LRRC49: variants seen among roughly 807,000 people sequenced by gnomAD.
The protein encoded by LRRC49 is leucine rich repeat containing 49, also known as leucine-rich repeat-containing protein 49.
In LRRC49, 50 loss-of-function variants were observed where a neutral mutation model predicts 83.3. The observed-to-expected ratio is 0.60, with a 90% CI of 0.48 to 0.76. The LOEUF (loss-of-function observed/expected upper bound fraction) is 0.76. Ranked by LOEUF, LRRC49 falls within the 30% of genes least tolerant of loss-of-function variation. The pLI, the probability that LRRC49 is intolerant of heterozygous loss-of-function variation, is 0.00. For synonymous variants in LRRC49, 286 were observed against 283.3 expected (o/e 1.01, Z -0.10); for missense variants, 704 against 809.1 (o/e 0.87, Z 1.58).
At chr15:70,886,707 A>G (rs2033416718) in intron 2 of LRRC49, among the ~76,000 whole-genome samples, 1 of 152,136 alleles carries the variant, frequency 6.6e-6, no homozygotes. Context: ...CACTACTAAA[A>G]ATACAAAAAT....
Position 71,037,196 on chromosome 15 carries a change from A to G in LRRC49, c.1721A>G (p.Tyr574Cys). Residue 574 changes from tyrosine (Y) to cysteine (C), a missense_variant, in exon 15 of 16, where the codon TAT becomes TGT. Around this residue, in one of 3 missense-constraint regions of LRRC49, gnomAD observed 275 missense variants for 338.0 expected, o/e 0.81. Coordinates refer to ENST00000260382, the MANE Select transcript of LRRC49 (RefSeq NM_017691.5). ...LGDARKKQFR[Y>C]LLESKGKKPG... ...TTCTACAGGAAAAAGCAATTTCGGTATCTACTAGAATCCAAAGGAAAAAAA... is the reference window on the plus strand; with the variant it reads ...TTCTACAGGAAAAAGCAATTTCGGTGTCTACTAGAATCCAAAGGAAAAAAA... 6.2e-7 allele frequency: 1 copy of G among 1,606,480 alleles called. No homozygotes were observed. The highest frequency in any genetic ancestry group is 8.5e-7 in the Non-Finnish European group (1 of 1,176,584).
intron 8 of LRRC49, among the ~76,000 whole-genome samples, chr15:70,941,513 A>G (rs1466034206): frequency 6.6e-6 from 1 of 151,110 alleles, no homozygotes; most frequent in Admixed American, 6.6e-5. Flanking sequence ...AAAAAAAAAG[A>G]AAAGAAAAAA....
At chr15:71,008,804 C>T (rs1293928548) in intron 12 of LRRC49, among the ~76,000 whole-genome samples, 188 bp downstream of exon 12, 2 of 151,758 alleles carry the variant, frequency 1.3e-5, no homozygotes, top group Admixed American at 1.3e-4. Context: ...TTTATGTTAA[C>T]ATTTGAAATT....
At chr15:70,984,736 G>A (rs1206236404) in intron 11 of LRRC49, among the ~76,000 whole-genome samples, 9 of 149,660 alleles carry the variant, frequency 6.0e-5, no homozygotes, top group African/African-American at 9.8e-5. Flanking sequence ...CAATTAACTC[G>A]TCATTTAGCA....
chr15:70,869,018 A>G (rs34602225), intron 1 of LRRC49, among the ~76,000 whole-genome samples: 83,015 of 152,002 alleles, frequency 0.55, 23,455 homozygotes, highest in Admixed American at 0.69. Context: ...AATGATAGAT[A>G]CTTGGAAATC....
chr15:70,874,337 G>A (rs2033110188), intron 2 of LRRC49, among the ~76,000 whole-genome samples: 1 of 152,196 alleles, frequency 6.6e-6, no homozygotes, highest in Non-Finnish European at 1.5e-5. Flanking sequence ...ACAAAGGGCA[G>A]GTGGGTGGGC....
At chr15:70,970,288 T>C (rs745599534) in intron 9 of LRRC49, among the ~76,000 whole-genome samples, 1 of 152,170 alleles carries the variant, frequency 6.6e-6, no homozygotes, top group Non-Finnish European at 1.5e-5. Context: ...ATTTATTGAT[T>C]TGAGTATGTT....
At chr15:70,932,825 G>A (rs1217608017) in intron 7 of LRRC49, among the ~76,000 whole-genome samples, 7 of 141,296 alleles carry the variant, frequency 5.0e-5, no homozygotes, top group African/African-American at 1.1e-4. Flanking sequence ...CGCCTCCCTC[G>A]TTCAAACAAT....
chr15:71,012,912 A>G lies in LRRC49; in HGVS notation c.1702A>G (p.Arg568Gly), dbSNP rs2038703467. 6.3e-7 allele frequency: 1 copy of G among 1,592,306 alleles called. No individual in the cohort carries two copies. The highest frequency in any genetic ancestry group is 1.4e-5 in the African/African-American group (1 of 73,932). ...TCTGATTTCCATTCTGGGTGATGCC[A>G]GGTAACCTTTAATTTTTGTAGTTTT... ...YRLISILGDARKKQFRYLLES... is the reference protein window; with the variant it reads ...YRLISILGDAGKKQFRYLLES... Residue 568 changes from arginine (R) to glycine (G), a missense_variant and splice_region_variant, in exon 14 of 16, where the codon AGG (arginine) becomes GGG (glycine). By Grantham distance (125) the Arg-to-Gly change is moderately radical (BLOSUM62 -2). This residue lies in a region of LRRC49 where 275 missense variants were observed against 338.0 expected (regional missense o/e 0.81). Transcript: ENST00000260382.
chr15:70,936,876 A>C, intron 8 of LRRC49, 54 bp downstream of exon 8: 3 of 1,120,660 alleles, frequency 2.7e-6, no homozygotes, highest in Non-Finnish European at 4.1e-6. Context: ...TGTGAGTTCT[A>C]GTGCTTTAGA....
intron 9 of LRRC49, among the ~76,000 whole-genome samples, chr15:70,970,463 T>G (rs2036954528): frequency 6.6e-6 from 1 of 152,214 alleles, no homozygotes; most frequent in Non-Finnish European, 1.5e-5. Context: ...GTTGTGTCTC[T>G]GCCAGGATTT....
chr15:70,930,892 G>T (rs768260399), intron 7 of LRRC49, among the ~76,000 whole-genome samples: 8 of 152,142 alleles, frequency 5.3e-5, no homozygotes, highest in Non-Finnish European at 1.0e-4. Context: ...TTAAGGCCTT[G>T]TTCTGGATTA....
At chr15:70,872,947 T>G in exon 2 of LRRC49, 1 of 400,296 alleles carries the variant, frequency 2.5e-6, no homozygotes. Flanking sequence ...AGTGCCGTGG[T>G]GCGATCTCGC....
upstream of LRRC49, chr15:70,892,386 G>A (rs1315044889): frequency 6.5e-7 from 1 of 1,544,768 alleles, no homozygotes; most frequent in Admixed American, 2.0e-5. Context: ...TCCACTCCGG[G>A]TCGGGATTGT....
intron 3 of LRRC49, among the ~76,000 whole-genome samples, chr15:70,899,218 A>G (rs1447436053): frequency 6.6e-6 from 1 of 152,184 alleles, no homozygotes; most frequent in Non-Finnish European, 1.5e-5. Flanking sequence ...AAAATTGAGG[A>G]TTGCCTTGAA....
rs376362255 is a variant in LRRC49, at chr15:70,974,529, A to T, written c.922-5572A>T. 4.6e-5 allele frequency among the ~76,000 whole-genome samples: 7 copies of T among 152,292 alleles called. No individual in the cohort carries two copies. The South Asian group carries it at 1.4e-3, about 32-fold the overall frequency. On this transcript the variant is annotated intron_variant, in intron 9 of 15. Transcript: ENST00000260382. ...GAGAAAATATTTGTTATTCTGGTAA[A>T]GTATGTGAATGACAGAAACTAGAGA...
intron 11 of LRRC49, among the ~76,000 whole-genome samples, chr15:70,987,472 G>A (rs1423992897): frequency 5.3e-5 from 8 of 152,176 alleles, no homozygotes; most frequent in East Asian, 3.9e-4. Context: ...CTGTGGGATC[G>A]GTGGTGATAT....
intron 11 of LRRC49, among the ~76,000 whole-genome samples, chr15:71,000,638 T>C (rs1354095495): frequency 6.6e-6 from 1 of 152,168 alleles, no homozygotes; most frequent in African/African-American, 2.4e-5. Flanking sequence ...ATGCCTTTCA[T>C]ATATAGTTTG....
At chr15:70,966,004 T>C (rs2036781065) in intron 9 of LRRC49, among the ~76,000 whole-genome samples, 1 of 152,116 alleles carries the variant, frequency 6.6e-6, no homozygotes, top group African/African-American at 2.4e-5. Flanking sequence ...CCCATTCATT[T>C]ATGTATTATC....
Sources: allele counts gnomAD v4.1 joint callset (sites outside exome capture counted in the v4.1 genomes callset), GRCh38; gene constraint gnomAD v4.1.1; regional missense constraint gnomAD v4.1.1; transcripts MANE v1.5; gene names NCBI Gene and HGNC (gene_info 2026-07-23, HGNC 2026-07-21).